The following TKT variants were observed in gnomAD, a reference collection of about 807,000 sequenced individuals.
TKT encodes epididymis luminal protein 107.
Under a neutral mutation model 63.9 loss-of-function variants are expected in TKT, and 47 were observed. The ratio of observed to expected loss-of-function variants is 0.74; its 90% CI spans 0.58 to 0.94. TKT has a LOEUF of 0.94. Among genes scored for constraint, TKT ranks in the 40% least tolerant of loss-of-function variants. The pLI is 0.00. For synonymous variants in TKT, 338 were observed against 334.1 expected (o/e 1.01, Z -0.13); for missense variants, 721 against 846.2 (o/e 0.85, Z 1.84).
At chr3:53,249,571 C>T (rs1407188904) in intron 1 of TKT, among the ~76,000 whole-genome samples, 5 of 151,888 alleles carry the variant, frequency 3.3e-5, no homozygotes, top group African/African-American at 9.7e-5. Flanking sequence ...GGTGACAGAG[C>T]GAGACTCTGT....
At chr3:53,241,717 C>A (rs1705287580) in intron 2 of TKT, among the ~76,000 whole-genome samples, 1 of 152,190 alleles carries the variant, frequency 6.6e-6, no homozygotes, top group South Asian at 2.1e-4. Flanking sequence ...AGCACACCAC[C>A]ACCCCGAGGG....
Position 53,230,783 on chromosome 3 carries a change from G to A in TKT, c.943-162C>T, listed in dbSNP as rs142226573. On this transcript the variant is annotated intron_variant, in intron 7 of 13. Transcript: ENST00000462138. ...TTTTAACTGCTGAAAGGTTGCCAAC[G>A]ACTACGGTCAATGTCTTGGGAGCCC... 1.1e-3 allele frequency among the ~76,000 whole-genome samples: 164 copies of A among 151,666 alleles called. 1 individual carries two copies. The highest frequency in any genetic ancestry group is 3.8e-3 in the African/African-American group (157 of 41,334).
At position 53,225,727 on chromosome 3, in the gene TKT, A is replaced by C; in HGVS notation, c.*29T>G. On this transcript the variant is annotated 3_prime_UTR_variant, in exon 14 of 14. Coordinates refer to ENST00000462138, the MANE Select transcript of TKT (RefSeq NM_001064.4). The stretch of plus-strand genomic sequence containing the variant: ...CTTTCCCAGAATCTCAGGAATGTAT[A>C]GACCCCCGCCCCACACTTCATACCC... 6.3e-7 allele frequency: 1 copy of C among 1,574,960 alleles called. No individual in the cohort carries two copies. The highest frequency in any genetic ancestry group is 8.7e-7 in the Non-Finnish European group (1 of 1,155,512).
chr3:53,251,061 G>A (rs782045819), intron 1 of TKT, among the ~76,000 whole-genome samples: 1 of 152,126 alleles, frequency 6.6e-6, no homozygotes, highest in Non-Finnish European at 1.5e-5. Context: ...ATGAGCCACC[G>A]CACCTGGCCG....
rs1013091611 is a variant in TKT, at chr3:53,232,491, C to T, written c.748+665G>A. On this transcript the variant is annotated intron_variant, in intron 6 of 13. Coordinates refer to ENST00000462138, the MANE Select transcript of TKT (RefSeq NM_001064.4). ...CCCAGGCCCTGGGATCAGCCCCCCT[C>T]GTGCCATAGACTTCCTCTGTCCCCG... 29 of 398,764 alleles carry T rather than the reference C, an allele frequency of 7.3e-5. No individual in the cohort carries two copies. The East Asian group carries it at 8.2e-4, about 11-fold the overall frequency. The allele number at this position is 398,764 out of a possible 1,614,324, so 24.7% of individuals were successfully genotyped here. A position where few individuals can be genotyped will look rare whatever the true frequency, so the allele number is the denominator to read the frequency against.
intron 12 of TKT, 115 bp from the exon 13 acceptor site, chr3:53,226,993 G>A (rs545741966): frequency 3.9e-5 from 52 of 1,342,106 alleles, no homozygotes; most frequent in Admixed American, 1.3e-4. Flanking sequence ...CTCAGCCTGC[G>A]GGCCTGTCCC....
intron 13 of TKT, chr3:53,226,473 C>T (rs1553675530): frequency 2.3e-6 from 1 of 444,100 alleles, no homozygotes; most frequent in Non-Finnish European, 4.1e-6. Flanking sequence ...CCCTACACTA[C>T]CTCAGGGACG....
intron 6 of TKT, chr3:53,232,886 C>T (rs986713038): frequency 9.8e-5 from 44 of 450,570 alleles, no homozygotes; most frequent in East Asian, 8.6e-4. Flanking sequence ...CCTCACTCCA[C>T]GACCTTCCTC....
intron 2 of TKT, chr3:53,241,912 G>A: frequency 1.8e-6 from 1 of 571,184 alleles, no homozygotes; most frequent in Non-Finnish European, 3.2e-6. Flanking sequence ...TGGGCTCCAT[G>A]GCAGAGCAAC....
chr3:53,247,335 A>G (rs1404068079), intron 1 of TKT, among the ~76,000 whole-genome samples: 3 of 126,124 alleles, frequency 2.4e-5, no homozygotes, highest in Non-Finnish European at 5.0e-5. Flanking sequence ...CCAGCCTGGG[A>G]GACAAGAGTG....
At chr3:53,238,723 C>T (rs1413979468) in intron 4 of TKT, among the ~76,000 whole-genome samples, 4 of 152,222 alleles carry the variant, frequency 2.6e-5, no homozygotes, top group African/African-American at 9.6e-5. Flanking sequence ...TCAGCCTCTC[C>T]AAGAGCAGCC....
At chr3:53,253,773 A>T (rs531660719) in intron 1 of TKT, among the ~76,000 whole-genome samples, 40 of 150,638 alleles carry the variant, frequency 2.7e-4, no homozygotes, top group African/African-American at 7.3e-4. Context: ...CAAAAAAAAA[A>T]TTTTTTTTTT....
At position 53,233,157 on chromosome 3, in the gene TKT, C is replaced by G; in HGVS notation, c.747G>C (p.Thr249=). 1 of 1,613,260 alleles carries G rather than the reference C, an allele frequency of 6.2e-7. No individual in the cohort carries two copies. The highest frequency in any genetic ancestry group is 1.7e-4 in the Middle Eastern group (1 of 6,050). Reference sequence around the variant, plus strand: ...GGAGGGCGGCTTGTGCATACTGACCCGTGATCCCTCGGCCCTTGAAGGTCT... The same window carrying G: ...GGAGGGCGGCTTGTGCATACTGACCGGTGATCCCTCGGCCCTTGAAGGTCT... The part of the protein sequence containing the change: ...IAKTFKGRGI[T]GVEDKESWHG... Residue 249 remains threonine, a splice_region_variant and synonymous_variant, in exon 6 of 14, where the codon ACG becomes ACC. Transcript: ENST00000462138.
At chr3:53,241,827 C>T (rs1349812625) in intron 2 of TKT, 1 of 384,150 alleles carries the variant, frequency 2.6e-6, no homozygotes, top group East Asian at 5.6e-5. Flanking sequence ...AACACCCAGA[C>T]TGGGCAGAAC....
chr3:53,241,247 T>C lies in TKT; in HGVS notation c.226-2A>G. 6.3e-7 allele frequency: 1 copy of C among 1,597,704 alleles called. No individual in the cohort carries two copies. Among genetic ancestry groups the C allele is most frequent in the Non-Finnish European group, 8.5e-7 (1 of 1,174,544 alleles). ...GTAGAGGATGGGAGCTGCATGGCCC[T>C]GCCGGGAGATGGATGGTGGGGTGAG... is the stretch of plus-strand genomic sequence containing the variant. On this transcript the variant is annotated splice_acceptor_variant, in intron 2 of 13. Transcript: ENST00000462138. LOFTEE classifies it high-confidence loss of function.
intron 12 of TKT, 71 bp from the exon 13 acceptor site, chr3:53,226,949 G>A: frequency 2.0e-6 from 3 of 1,533,360 alleles, no homozygotes; most frequent in Non-Finnish European, 2.6e-6. Context: ...TGGGGGCCTG[G>A]TGGGACATCC....
chr3:53,238,795 G>A (rs558244608), intron 4 of TKT, among the ~76,000 whole-genome samples: 2 of 152,354 alleles, frequency 1.3e-5, no homozygotes, highest in African/African-American at 2.4e-5. Flanking sequence ...TTCCTCACCT[G>A]TAAGACGGGT....
In TKT at chr3:53,255,925, C is replaced by A; in HGVS notation, c.18G>T (p.Lys6Asn). The A allele has an allele frequency of 6.5e-7, 1 of 1,538,640 alleles. No individual in the cohort carries two copies. Among genetic ancestry groups the A allele is most frequent in the Non-Finnish European group, 8.8e-7 (1 of 1,141,684 alleles). ...AGGCCTGCAGCTTCTGCTGGTCAGG[C>A]TTGTGGTAGCTCTCCATGGTGCGGC... Reference protein sequence around the residue: MESYHKPDQQKLQALK... With the variant: MESYHNPDQQKLQALK... Residue 6 changes from lysine (K) to asparagine (N), a missense_variant, in exon 1 of 14, where the codon AAG (lysine) becomes AAT (asparagine). Transcript: ENST00000462138.
intron 1 of TKT, among the ~76,000 whole-genome samples, chr3:53,242,942 T>G (rs541624594): frequency 5.4e-4 from 82 of 152,248 alleles, no homozygotes; most frequent in African/African-American, 1.8e-3. Context: ...AATGGGCAGT[T>G]TGAGGGCTGC....
Sources: gnomAD v4.1 joint callset for allele counts (sites outside exome capture counted in the v4.1 genomes callset) on GRCh38, gnomAD v4.1.1 for gene constraint, MANE v1.5 for transcripts, NCBI Gene and HGNC (gene_info 2026-07-23, HGNC 2026-07-21) for gene names.